SLC13A3: variants seen among roughly 807,000 people sequenced by gnomAD.
The protein encoded by SLC13A3 is solute carrier family 13 member 3, also known as Na(+)/dicarboxylate cotransporter 3.
In SLC13A3, 40 loss-of-function variants were observed where a neutral mutation model predicts 59.0. That is an observed-to-expected ratio of 0.68 (90% CI 0.53 to 0.88). The LOEUF (loss-of-function observed/expected upper bound fraction) is 0.88, where lower values mean the gene tolerates loss of function less well. Ranked by LOEUF, SLC13A3 falls within the 40% of genes least tolerant of loss-of-function variation. SLC13A3 has a pLI of 0.00. For synonymous variants in SLC13A3, 317 were observed against 330.3 expected (o/e 0.96, Z 0.44); for missense variants, 699 against 783.2 (o/e 0.89, Z 1.28).
chr20:46,617,532 C>T (rs1300941286), intron 1 of SLC13A3, among the ~76,000 whole-genome samples: 3 of 152,150 alleles, frequency 2.0e-5, no homozygotes, highest in Non-Finnish European at 4.4e-5. Context: ...TGCCAAATAT[C>T]CCTCAAACAA....
At chr20:46,634,711 C>G (rs2062779011) in intron 1 of SLC13A3, among the ~76,000 whole-genome samples, 1 of 152,170 alleles carries the variant, frequency 6.6e-6, no homozygotes, top group Admixed American at 6.5e-5. Flanking sequence ...GGGGTGTGCC[C>G]TGGATGCAGG....
At chr20:46,619,308 T>TGAGA (rs1472551623) in intron 1 of SLC13A3, among the ~76,000 whole-genome samples, 2 of 152,210 alleles carry the variant, frequency 1.3e-5, no homozygotes, top group Non-Finnish European at 2.9e-5. Flanking sequence ...CAAACCCAGT[T>TGAGA]GAGAGAGGTC....
chr20:46,598,303 T>C lies in SLC13A3; in HGVS notation c.608+1668A>G, dbSNP rs548501917. Among the ~76,000 whole-genome samples the C allele has an allele frequency of 1.8e-4, 28 of 152,276 alleles. 1 individual carries two copies. In the South Asian group the frequency reaches 5.2e-3, roughly 28 times the overall value. On this transcript the variant is annotated intron_variant, in intron 4 of 12. Transcript: ENST00000279027. ...TGGAAACTACCGTCATGGTCTGACT[T>C]CTTAGGAGTGGCAGGCCTGGTCCAG...
intron 1 of SLC13A3, among the ~76,000 whole-genome samples, chr20:46,625,057 C>T (rs2062654271): frequency 6.6e-6 from 1 of 152,330 alleles, no homozygotes; most frequent in Middle Eastern, 3.4e-3. Flanking sequence ...GGGCAGGAGT[C>T]ATGCACCTGC....
At chr20:46,615,602 T>C (rs2062546987) in intron 1 of SLC13A3, among the ~76,000 whole-genome samples, 1 of 152,204 alleles carries the variant, frequency 6.6e-6, no homozygotes, top group Non-Finnish European at 1.5e-5. Context: ...TTGTGATATG[T>C]GAGGCAAAGA....
intron 3 of SLC13A3, among the ~76,000 whole-genome samples, chr20:46,603,888 G>C (rs1341091736): frequency 6.6e-6 from 1 of 151,678 alleles, no homozygotes; most frequent in South Asian, 2.1e-4. Flanking sequence ...GCTCTTGAGA[G>C]GCTGAGGTGG....
chr20:46,560,246 T>C (rs1372888746), intron 12 of SLC13A3, 48 bp from the exon 13 acceptor site: 2 of 1,558,066 alleles, frequency 1.3e-6, no homozygotes, highest in East Asian at 2.2e-5. Context: ...TGACCCACCA[T>C]ACAGATGGAA....
intron 7 of SLC13A3, among the ~76,000 whole-genome samples, chr20:46,588,623 G>A (rs2062219254): frequency 6.6e-6 from 1 of 152,080 alleles, no homozygotes; most frequent in African/African-American, 2.4e-5. Context: ...ACACAGAGAG[G>A]GGACAGACCT....
At chr20:46,566,767 C>T (rs1600494571) in intron 10 of SLC13A3, among the ~76,000 whole-genome samples, 1 of 151,270 alleles carries the variant, frequency 6.6e-6, no homozygotes, top group African/African-American at 2.4e-5. Context: ...TTACCCAAAT[C>T]ATAATAGTTA....
intron 1 of SLC13A3, among the ~76,000 whole-genome samples, chr20:46,659,717 C>A (rs554781120): frequency 8.8e-5 from 13 of 148,248 alleles, no homozygotes; most frequent in Non-Finnish European, 1.5e-4. Flanking sequence ...CCCTATCCCC[C>A]CCCCCCAAAA....
chr20:46,653,959 G>A (rs2062968199), upstream of SLC13A3, among the ~76,000 whole-genome samples: 1 of 152,160 alleles, frequency 6.6e-6, no homozygotes, highest in Non-Finnish European at 1.5e-5. Context: ...TATATACCCA[G>A]AAGTGGAACT....
At chr20:46,638,574 C>T (rs2062817262) in intron 1 of SLC13A3, among the ~76,000 whole-genome samples, 1 of 152,344 alleles carries the variant, frequency 6.6e-6, no homozygotes, top group Non-Finnish European at 1.5e-5. Flanking sequence ...GGCAGGAGTG[C>T]CTTTCTCGTG....
At chr20:46,604,631 T>C (rs2062418505) in intron 3 of SLC13A3, among the ~76,000 whole-genome samples, 1 of 152,054 alleles carries the variant, frequency 6.6e-6, no homozygotes, top group Non-Finnish European at 1.5e-5. Flanking sequence ...CAGGATTCCA[T>C]GGTGGCTGGC....
At chr20:46,668,675 C>T (rs183741840) in intron 1 of SLC13A3, among the ~76,000 whole-genome samples, 21 of 152,318 alleles carry the variant, frequency 1.4e-4, no homozygotes, top group Admixed American at 2.6e-4. Flanking sequence ...AGATTTTCAA[C>T]ATAGATGAAA....
At chr20:46,582,214 G>A (rs779885447) in intron 9 of SLC13A3, among the ~76,000 whole-genome samples, 2 of 152,090 alleles carry the variant, frequency 1.3e-5, no homozygotes, top group Non-Finnish European at 2.9e-5. Flanking sequence ...GCTTTGACCT[G>A]CCAGGCTCAA....
At chr20:46,635,123 A>G (rs1384849782) in intron 1 of SLC13A3, among the ~76,000 whole-genome samples, 2 of 152,192 alleles carry the variant, frequency 1.3e-5, no homozygotes, top group Non-Finnish European at 2.9e-5. Context: ...AGAACCAAGG[A>G]AGACCACTTG....
intron 1 of SLC13A3, chr20:46,682,191 T>C (rs2063156815): frequency 6.6e-6 from 1 of 152,232 alleles, no homozygotes; most frequent in Admixed American, 6.5e-5. Context: ...ATGGGATGGT[T>C]TTAAAAATCA....
intron 8 of SLC13A3, among the ~76,000 whole-genome samples, chr20:46,586,996 T>C (rs563502063): frequency 6.6e-6 from 1 of 152,334 alleles, no homozygotes; most frequent in Non-Finnish European, 1.5e-5. Flanking sequence ...ATAATTTTCG[T>C]GTATTACAAG....
intron 1 of SLC13A3, among the ~76,000 whole-genome samples, chr20:46,642,218 A>G (rs1254934485): frequency 1.3e-5 from 2 of 152,272 alleles, no homozygotes; most frequent in East Asian, 3.9e-4. Context: ...TACCCAAATA[A>G]AACAAATTCC....
Sources: gnomAD v4.1 joint callset for allele counts (sites outside exome capture counted in the v4.1 genomes callset) on GRCh38, gnomAD v4.1.1 for gene constraint, MANE v1.5 for transcripts, NCBI Gene and HGNC (gene_info 2026-07-23, HGNC 2026-07-21) for gene names.